The following GRIN2A variants were observed in gnomAD, a reference collection of about 807,000 sequenced individuals.
The protein encoded by GRIN2A is glutamate ionotropic receptor NMDA type subunit 2A.
A neutral mutation model predicts 113.4 loss-of-function variants in GRIN2A; 22 were observed. That is an observed-to-expected ratio of 0.19 (90% confidence interval 0.14 to 0.28). GRIN2A has a LOEUF of 0.28. Among genes scored for constraint, GRIN2A ranks in the 10% least tolerant of loss-of-function variants. The pLI, the probability that GRIN2A is intolerant of heterozygous loss-of-function variation, is 1.00. For missense variants in GRIN2A, 1,502 were observed against 1,887.0 expected, an observed-to-expected ratio of 0.80 and a Z score of 3.78; for synonymous variants, 827 against 738.4, an observed-to-expected ratio of 1.12 and a Z score of -1.94.
intron 7 of GRIN2A, among the ~76,000 whole-genome samples, chr16:9,839,015 A>G (rs531714989): frequency 6.6e-6 from 1 of 152,310 alleles, no homozygotes; most frequent in South Asian, 2.1e-4. Context: ...TAATTCGTCC[A>G]TATAACCAAA....
intron 12 of GRIN2A, among the ~76,000 whole-genome samples, chr16:9,765,546 C>G (rs529511467): frequency 7.9e-5 from 12 of 152,278 alleles, no homozygotes; most frequent in South Asian, 2.1e-4. Context: ...TGAGGCTCAT[C>G]ATACTCTTTG....
chr16:9,926,166 G>A (rs922353298), intron 3 of GRIN2A, among the ~76,000 whole-genome samples: 2 of 152,148 alleles, frequency 1.3e-5, no homozygotes, highest in South Asian at 2.1e-4. Context: ...CTTTGGGTAA[G>A]GCACTCTAGG....
intron 10 of GRIN2A, 76 bp from the exon 11 acceptor site, chr16:9,798,540 C>G (rs1450023421): frequency 9.5e-7 from 1 of 1,053,406 alleles, no homozygotes; most frequent in South Asian, 1.3e-5. Context: ...AGGCCTGATC[C>G]TGAAAGCATC....
intron 4 of GRIN2A, among the ~76,000 whole-genome samples, chr16:9,874,637 T>C (rs1463222435): frequency 6.6e-6 from 1 of 152,196 alleles, no homozygotes; most frequent in African/African-American, 2.4e-5. Context: ...AAAATGGACT[T>C]TGCAGTCTAG....
At chr16:10,013,198 ATT>A (rs1218038497) in intron 2 of GRIN2A, among the ~76,000 whole-genome samples, 1 of 152,148 alleles carries the variant, frequency 6.6e-6, no homozygotes, top group East Asian at 1.9e-4. Context: ...ATCCCTAGAT[ATT>A]TTCGTGAATA....
intron 2 of GRIN2A, among the ~76,000 whole-genome samples, chr16:9,959,930 G>A (rs2045399114): frequency 6.6e-6 from 1 of 152,152 alleles, no homozygotes; most frequent in Admixed American, 6.5e-5. Flanking sequence ...CCAAAATCGG[G>A]CCACTGCACT....
chr16:9,802,848 T>C (rs1177762995), intron 10 of GRIN2A, among the ~76,000 whole-genome samples: 2 of 152,164 alleles, frequency 1.3e-5, no homozygotes, highest in Non-Finnish European at 2.9e-5. Context: ...GATTGTAATG[T>C]AGGGGGTCCC....
At chr16:10,169,004 A>G (rs2049983936) in intron 2 of GRIN2A, among the ~76,000 whole-genome samples, 1 of 148,156 alleles carries the variant, frequency 6.7e-6, no homozygotes, top group Non-Finnish European at 1.5e-5. Context: ...AATAATAATA[A>G]TAATAATAAT....
chr16:9,979,354 A>G (rs778518181), intron 2 of GRIN2A, among the ~76,000 whole-genome samples: 17 of 152,164 alleles, frequency 1.1e-4, no homozygotes, highest in South Asian at 6.2e-4. Flanking sequence ...TTGCTCTACA[A>G]TAGACCTTGA....
intron 2 of GRIN2A, among the ~76,000 whole-genome samples, chr16:9,985,120 T>A (rs1157391804): frequency 6.6e-6 from 1 of 152,180 alleles, no homozygotes; most frequent in Non-Finnish European, 1.5e-5. Flanking sequence ...AGTTTCCTGA[T>A]GTGCCCAACT....
chr16:9,827,975 T>A (rs942290302), intron 9 of GRIN2A, among the ~76,000 whole-genome samples: 10 of 152,200 alleles, frequency 6.6e-5, no homozygotes, highest in African/African-American at 2.4e-4. Context: ...ACTTGTGTAT[T>A]GCTTATTTTT....
intron 2 of GRIN2A, among the ~76,000 whole-genome samples, chr16:10,100,553 AC>A (rs143865167): frequency 6.6e-6 from 1 of 152,326 alleles, no homozygotes; most frequent in African/African-American, 2.4e-5. Flanking sequence ...TGTAGAAAGC[AC>A]CTGGCACATC....
At chr16:9,817,216 C>T (rs755055141) in intron 10 of GRIN2A, among the ~76,000 whole-genome samples, 24 of 152,286 alleles carry the variant, frequency 1.6e-4, no homozygotes, top group African/African-American at 5.3e-4. Context: ...AATAGTAGTT[C>T]TCAGCTCTGT....
intron 4 of GRIN2A, among the ~76,000 whole-genome samples, chr16:9,864,431 GT>G (rs201739708): frequency 3.7e-5 from 5 of 135,212 alleles, no homozygotes; most frequent in Non-Finnish European, 8.2e-5. Flanking sequence ...TCTATGGCAA[GT>G]TTTTTTTTAA....
At chr16:9,878,513 C>A (rs1353189533) in intron 4 of GRIN2A, among the ~76,000 whole-genome samples, 1 of 152,124 alleles carries the variant, frequency 6.6e-6, no homozygotes, top group Non-Finnish European at 1.5e-5. Context: ...ACAAGATTAT[C>A]CATTGAAAAC....
chr16:10,087,899 C>T (rs2048112808), intron 2 of GRIN2A, among the ~76,000 whole-genome samples: 1 of 20,178 alleles, frequency 5.0e-5, no homozygotes, highest in East Asian at 5.4e-3. Context: ...CCACGTTGCC[C>T]AGGCTGGTCT....
Position 10,180,511 on chromosome 16 carries a change from T to TAGGAGCCAG in GRIN2A, c.-18-91_-18-83dup, listed in dbSNP as rs1296186730. 12 of 1,533,462 alleles carry TAGGAGCCAG rather than the reference T, an allele frequency of 7.8e-6. No homozygotes were observed. The highest frequency in any genetic ancestry group is 2.0e-5 in the Admixed American group (1 of 50,946). 95.0% of individuals were successfully genotyped at this position (1,533,462 alleles called of 1,614,324 possible). On this transcript the variant is annotated intron_variant, in intron 1 of 12. Transcript: ENST00000330684. This position sits in a 1 kb window ranked among gnomAD's most constrained non-coding sequence, Gnocchi z 7.0. Reference sequence around the variant, plus strand: ...GGATTACCAACTTGGCTTCCTGCTCTAGGAGCCAGGCATGGAACTCAGCAG... The same window carrying TAGGAGCCAG: ...GGATTACCAACTTGGCTTCCTGCTCTAGGAGCCAGAGGAGCCAGGCATGGAACTCAGCAG...
chr16:10,114,854 T>G (rs187079737), intron 2 of GRIN2A, among the ~76,000 whole-genome samples: 192 of 152,364 alleles, frequency 1.3e-3, no homozygotes, highest in Admixed American at 0.01. Context: ...GTGCCAGGTC[T>G]GCATGCTGTT....
intron 2 of GRIN2A, among the ~76,000 whole-genome samples, chr16:10,131,420 T>A (rs2049060591): frequency 6.6e-6 from 1 of 150,716 alleles, no homozygotes; most frequent in Non-Finnish European, 1.5e-5. Flanking sequence ...AAAGGGTCCC[T>A]CCTAGCATGG....
Sources: gnomAD v4.1 joint callset for allele counts (sites outside exome capture counted in the v4.1 genomes callset) on GRCh38, gnomAD v4.1.1 for gene constraint, Gnocchi (gnomAD v3.1) non-coding constraint, MANE v1.5 for transcripts, NCBI Gene and HGNC (gene_info 2026-07-23, HGNC 2026-07-21) for gene names.